Variants in VPS39 observed in about 807,000 individuals in gnomAD.
VPS39 encodes VPS39 subunit of HOPS complex.
VPS39 carries 70 observed loss-of-function variants against 121.0 expected under a neutral mutation model. The observed-to-expected ratio is 0.58, with a 90% CI of 0.48 to 0.71. VPS39 has a LOEUF of 0.71. Ranked by LOEUF, VPS39 falls within the 30% of genes least tolerant of loss-of-function variation. The pLI, the probability that VPS39 is intolerant of heterozygous loss-of-function variation, is 0.00. For synonymous variants in VPS39, 378 were observed against 398.1 expected, an observed-to-expected ratio of 0.95 and a Z score of 0.60; for missense variants, 818 against 1,051.5, an observed-to-expected ratio of 0.78 and a Z score of 3.07.
chr15:42,166,654 C>T lies in VPS39; in HGVS notation c.1520-5G>A. The T allele has an allele frequency of 6.2e-7, 1 of 1,614,126 alleles. No homozygotes were observed. Among genetic ancestry groups the T allele is most frequent in the Non-Finnish European group, 8.5e-7 (1 of 1,180,042 alleles). ...GGTCCACGAGCACCTGCAGAGCTGG[C>T]CACCAAGCCCAAGAACAAGGTCATG... is the stretch of plus-strand genomic sequence containing the variant. On this transcript the variant is annotated splice_region_variant and splice_polypyrimidine_tract_variant and intron_variant, in intron 14 of 24. Coordinates refer to ENST00000318006, the MANE Select transcript of VPS39 (RefSeq NM_015289.5).
chr15:42,167,532 T>G lies in VPS39; in HGVS notation c.1239A>C (p.Arg413=). The change falls in exon 13 of 25, where the codon CGA becomes CGC. Residue 413 remains arginine (R), a synonymous_variant. Transcript: ENST00000318006. ...LALIDYLTQK[R]SQLVKKLNDS... Reference sequence around the variant, plus strand: ...CATTCAGCTTCTTTACCAATTGACTTCGTTTCTGCAAAGGTCAAAATGTGG... The same window carrying G: ...CATTCAGCTTCTTTACCAATTGACTGCGTTTCTGCAAAGGTCAAAATGTGG... The G allele has an allele frequency of 6.2e-7, 1 of 1,614,084 alleles. No homozygotes were observed. The highest frequency in any genetic ancestry group is 8.5e-7 in the Non-Finnish European group (1 of 1,179,988).
At chr15:42,202,218 T>G (rs1337993934) in intron 1 of VPS39, among the ~76,000 whole-genome samples, 4 of 152,280 alleles carry the variant, frequency 2.6e-5, no homozygotes, top group Admixed American at 6.5e-5. Context: ...ACATTCCTTA[T>G]CCAAAGGATC....
At chr15:42,200,642 T>C (rs548776225) in intron 1 of VPS39, among the ~76,000 whole-genome samples, 5 of 152,208 alleles carry the variant, frequency 3.3e-5, no homozygotes, top group Non-Finnish European at 7.3e-5. Context: ...TGGAAAAGTC[T>C]AGCAGCTCCT....
In VPS39 at chr15:42,169,706, A is replaced by C; in HGVS notation, c.1233+18T>G. The C allele has an allele frequency of 6.2e-7, 1 of 1,600,944 alleles. No homozygotes were observed. The highest frequency in any genetic ancestry group is 8.5e-7 in the Non-Finnish European group (1 of 1,172,852). ...AACTCCCAGGCAAACTCTTTCACGCACTCTGTACTATACCTACCTGTGTCA... is the reference window on the plus strand; with the variant it reads ...AACTCCCAGGCAAACTCTTTCACGCCCTCTGTACTATACCTACCTGTGTCA... On this transcript the variant is annotated intron_variant, in intron 12 of 24. Coordinates refer to ENST00000318006, the MANE Select transcript of VPS39 (RefSeq NM_015289.5).
chr15:42,178,010 C>T (rs1256723015), intron 10 of VPS39, among the ~76,000 whole-genome samples: 1 of 152,104 alleles, frequency 6.6e-6, no homozygotes, highest in Non-Finnish European at 1.5e-5. Context: ...AATTGATATT[C>T]ATTCTACATT....
intron 8 of VPS39, 174 bp downstream of exon 8, chr15:42,184,343 T>C (rs925164802): frequency 2.1e-5 from 11 of 520,028 alleles, no homozygotes; most frequent in Non-Finnish European, 3.4e-5. Flanking sequence ...TTGCAAGAAC[T>C]AGACTATCCC....
At chr15:42,190,962 T>C (rs1209382140) in intron 4 of VPS39, among the ~76,000 whole-genome samples, 163 bp downstream of exon 4, 2 of 152,214 alleles carry the variant, frequency 1.3e-5, no homozygotes, top group African/African-American at 2.4e-5. Flanking sequence ...TTCGAGTCTA[T>C]GGAGGATGCT....
rs1439739080 is a variant in VPS39, at chr15:42,167,107, TG to T, written c.1378-195del. Among the ~76,000 whole-genome samples the T allele has an allele frequency of 2.0e-5, 3 of 152,222 alleles. No individual in the cohort carries two copies. In the East Asian group the frequency reaches 5.8e-4, roughly 29 times the overall value. On this transcript the variant is annotated intron_variant, in intron 13 of 24. Transcript: ENST00000318006. ...TCGCACAATGTGTTTTAATGTTCTG[TG>T]GGGGAGAACATTTCTTGAAGGAAAT...
rs555207271 is a variant in VPS39 at position 42,166,216 on chromosome 15, A to G, written c.1623T>C (p.His541=). 5 of 1,614,208 alleles carry G rather than the reference A, an allele frequency of 3.1e-6. No homozygotes were observed. The South Asian group carries it at 5.5e-5, about 18-fold the overall frequency. Residue 541 remains histidine (H), a synonymous_variant, in exon 16 of 25, where the codon CAT becomes CAC. Transcript: ENST00000318006. ...YLQHLGTENL[H]LIFSYSVWVL... is the part of the protein sequence containing the mutation. ...CCCACACTGAGTAGGAGAAAATCAA[A>G]TGCAGGTTTTCTGTGCCTAGAAGGA... is the stretch of plus-strand genomic sequence containing the variant.
At chr15:42,183,987 A>T in intron 8 of VPS39, among the ~76,000 whole-genome samples, 1 of 149,630 alleles carries the variant, frequency 6.7e-6, no homozygotes, top group South Asian at 2.1e-4. Context: ...TAAGAACAGA[A>T]GCACCTAATG....
chr15:42,184,457 T>C (rs2049656740), intron 8 of VPS39, 60 bp downstream of exon 8: 1 of 1,517,208 alleles, frequency 6.6e-7, no homozygotes, highest in Non-Finnish European at 8.8e-7. Flanking sequence ...GACTCCGTTC[T>C]GCAGGAATGG....
At chr15:42,192,932 A>C (rs1239142341) in intron 2 of VPS39, among the ~76,000 whole-genome samples, 1 of 152,076 alleles carries the variant, frequency 6.6e-6, no homozygotes, top group Non-Finnish European at 1.5e-5. Flanking sequence ...GGCATGTGCC[A>C]CCATGCCCGG....
chr15:42,161,188 G>A (rs1392046051), intron 24 of VPS39: 4 of 325,602 alleles, frequency 1.2e-5, no homozygotes, highest in Admixed American at 8.8e-5. Context: ...AAAGGACGGC[G>A]AGTTTGTCTT....
At chr15:42,179,501 T>C (rs1316243653) in intron 8 of VPS39, among the ~76,000 whole-genome samples, 2 of 150,002 alleles carry the variant, frequency 1.3e-5, no homozygotes, top group East Asian at 2.0e-4. Flanking sequence ...GGCGTGAACC[T>C]GGAAGACGGA....
chr15:42,194,939 A>G (rs1595679308), intron 2 of VPS39, among the ~76,000 whole-genome samples: 1 of 110,678 alleles, frequency 9.0e-6, no homozygotes, highest in African/African-American at 4.5e-5. Flanking sequence ...ATACAGTGAA[A>G]AAAAAAAAAA....
intron 1 of VPS39, among the ~76,000 whole-genome samples, chr15:42,206,210 C>T (rs60834836): frequency 0.023 from 3,466 of 152,228 alleles, 139 homozygotes; most frequent in African/African-American, 0.08. Context: ...TACTATTTGG[C>T]CCTGTGTGAC....
intron 8 of VPS39, among the ~76,000 whole-genome samples, chr15:42,179,575 CAATA>C (rs372735737): frequency 0.53 from 56,745 of 107,388 alleles, 15,430 homozygotes; most frequent in East Asian, 0.71. Flanking sequence ...GACTCCATCT[CAATA>C]AATAAATAAA....
At chr15:42,176,879 G>A (rs2049462119) in intron 10 of VPS39, among the ~76,000 whole-genome samples, 1 of 151,992 alleles carries the variant, frequency 6.6e-6, no homozygotes, top group Non-Finnish European at 1.5e-5. Context: ...ATCACTATCT[G>A]AGGCTGGGCA....
intron 10 of VPS39, among the ~76,000 whole-genome samples, chr15:42,175,789 C>G (rs1444608986): frequency 6.6e-6 from 1 of 152,036 alleles, no homozygotes; most frequent in Non-Finnish European, 1.5e-5. Flanking sequence ...CCAGTCAGGA[C>G]AGGCTCCAAA....
Sources: allele counts gnomAD v4.1 joint callset (sites outside exome capture counted in the v4.1 genomes callset), GRCh38; gene constraint gnomAD v4.1.1; transcripts MANE v1.5; gene names NCBI Gene and HGNC (gene_info 2026-07-23, HGNC 2026-07-21).